The following SHISA6 variants were observed in gnomAD, a reference collection of about 807,000 sequenced individuals.
SHISA6 encodes shisa family member 6.
Under a neutral mutation model 47.9 loss-of-function variants are expected in SHISA6, and 22 were observed. The ratio of observed to expected loss-of-function variants is 0.46; its 90% CI spans 0.33 to 0.66. The LOEUF (loss-of-function observed/expected upper bound fraction) is 0.66. SHISA6 is among the 30% of genes least tolerant of loss of function. The pLI is 0.02. For missense variants in SHISA6, 680 were observed against 764.6 expected (o/e 0.89, Z 1.30); for synonymous variants, 388 against 337.8 (o/e 1.15, Z -1.63).
intron 2 of SHISA6, among the ~76,000 whole-genome samples, chr17:11,267,726 C>T (rs1437014548): frequency 6.6e-6 from 1 of 152,078 alleles, no homozygotes; most frequent in Non-Finnish European, 1.5e-5. Context: ...ACTGGCTAGG[C>T]AGAGTGAGTG....
intron 2 of SHISA6, among the ~76,000 whole-genome samples, chr17:11,283,296 G>GT (rs1391442143): frequency 6.6e-6 from 1 of 152,198 alleles, no homozygotes; most frequent in African/African-American, 2.4e-5. Context: ...TGAAGAAGAA[G>GT]TAATTGTTTC....
At chr17:11,459,681 G>A (rs1451998464) in intron 3 of SHISA6, among the ~76,000 whole-genome samples, 1 of 152,218 alleles carries the variant, frequency 6.6e-6, no homozygotes, top group East Asian at 1.9e-4. Context: ...AGTTGAGCAA[G>A]CTGGTGATAT....
At chr17:11,547,379 C>T (rs2071891865) in intron 3 of SHISA6, among the ~76,000 whole-genome samples, 1 of 152,172 alleles carries the variant, frequency 6.6e-6, no homozygotes, top group African/African-American at 2.4e-5. Context: ...TCTCTGACCA[C>T]AGTACAATAC....
At chr17:11,504,660 C>T (rs2071483290) in intron 3 of SHISA6, among the ~76,000 whole-genome samples, 1 of 152,108 alleles carries the variant, frequency 6.6e-6, no homozygotes. Flanking sequence ...ATCCAAGGAC[C>T]TTGTAGCTTA....
chr17:11,476,490 A>G (rs540137948), intron 3 of SHISA6, among the ~76,000 whole-genome samples: 1 of 152,138 alleles, frequency 6.6e-6, no homozygotes, highest in East Asian at 1.9e-4. Flanking sequence ...TTATTTTCAC[A>G]TAGTTCAAAA....
At chr17:11,347,651 A>G (rs16944616) in intron 2 of SHISA6, among the ~76,000 whole-genome samples, 12,744 of 152,240 alleles carry the variant, frequency 0.084, 762 homozygotes, top group East Asian at 0.23. Flanking sequence ...ATGCAACCTC[A>G]CTATAAAGGA....
At chr17:11,392,818 G>A (rs866075629) in intron 3 of SHISA6, among the ~76,000 whole-genome samples, 31 of 152,324 alleles carry the variant, frequency 2.0e-4, no homozygotes, top group Admixed American at 1.6e-3. Context: ...CAAGGAGAGA[G>A]CCACAAATGT....
chr17:11,501,403 T>C (rs2071452076), intron 3 of SHISA6, among the ~76,000 whole-genome samples: 1 of 152,014 alleles, frequency 6.6e-6, no homozygotes. Context: ...TCCAACAAAT[T>C]TTTAAAAGTA....
intron 3 of SHISA6, among the ~76,000 whole-genome samples, chr17:11,447,580 C>CCT (rs1915269866): frequency 6.6e-6 from 1 of 152,174 alleles, no homozygotes; most frequent in Non-Finnish European, 1.5e-5. Flanking sequence ...TGTGTCCCAC[C>CCT]CTCTACCCCA....
Position 11,319,270 on chromosome 17 carries a change from G to A in SHISA6, c.799+55744G>A, listed in dbSNP as rs563061106. ...ATTTTTGTATTTTTAGTGGAGACGG[G>A]GTTTCACCATGTTGGCCAGGCTAGT... On this transcript the variant is annotated intron_variant, in intron 2 of 5. Transcript: ENST00000441885. Among the ~76,000 whole-genome samples the A allele has an allele frequency of 9.2e-5, 14 of 152,068 alleles. No individual in the cohort carries two copies. In the East Asian group the frequency reaches 2.5e-3, roughly 27 times the overall value.
chr17:11,415,747 C>CTT (rs11428347), intron 3 of SHISA6, among the ~76,000 whole-genome samples: 2,744 of 151,710 alleles, frequency 0.018, 34 homozygotes, highest in Non-Finnish European at 0.029. Context: ...TGCTGTTGTT[C>CTT]TTTTTTTTGC....
At chr17:11,299,724 C>T (rs1909858369) in intron 2 of SHISA6, among the ~76,000 whole-genome samples, 1 of 152,190 alleles carries the variant, frequency 6.6e-6, no homozygotes, top group Admixed American at 6.5e-5. Flanking sequence ...CCTTCTCTCT[C>T]TGACTCTGAC....
At position 11,422,445 on chromosome 17, in the gene SHISA6, C is replaced by T. The variant is rs1914474116; in HGVS notation, c.895+42936C>T. On this transcript the variant is annotated intron_variant, in intron 3 of 5. Coordinates refer to ENST00000441885, the MANE Select transcript of SHISA6 (RefSeq NM_207386.4). ...AGCTCAACCAAGATTGAGACATTCCCCCTGTACCTACAAGAGTACATCTAG... is the reference window on the plus strand; with the variant it reads ...AGCTCAACCAAGATTGAGACATTCCTCCTGTACCTACAAGAGTACATCTAG... 3.3e-5 allele frequency among the ~76,000 whole-genome samples: 5 copies of T among 152,134 alleles called. No individual in the cohort carries two copies. The South Asian group carries it at 1.0e-3, about 32-fold the overall frequency.
At position 11,277,311 on chromosome 17, in the gene SHISA6, C is replaced by T. The variant is rs189338425; in HGVS notation, c.799+13785C>T. On this transcript the variant is annotated intron_variant, in intron 2 of 5. Transcript: ENST00000441885. ...ACACACACACACACACACACACACA[C>T]ACACACACCCCGCATGTACGTATAC... is the stretch of plus-strand genomic sequence containing the variant. 2.7e-4 allele frequency among the ~76,000 whole-genome samples: 41 copies of T among 150,888 alleles called. 1 individual carries two copies. The highest frequency in any genetic ancestry group is 9.1e-4 in the African/African-American group (37 of 40,830).
chr17:11,487,334 C>G (rs1916377687), intron 3 of SHISA6, among the ~76,000 whole-genome samples: 1 of 152,216 alleles, frequency 6.6e-6, no homozygotes, highest in African/African-American at 2.4e-5. Context: ...CCACCTAAAG[C>G]CTGAAAGTTA....
At chr17:11,390,004 C>T (rs1913334084) in intron 3 of SHISA6, among the ~76,000 whole-genome samples, 1 of 152,130 alleles carries the variant, frequency 6.6e-6, no homozygotes, top group Non-Finnish European at 1.5e-5. Flanking sequence ...CCATGGTGGC[C>T]TAGAAGTGGG....
rs2072030182 is a variant in SHISA6, at chr17:11,560,309, T to G, written c.*2005T>G. On this transcript the variant is annotated 3_prime_UTR_variant, in exon 6 of 6. Transcript: ENST00000441885. ...GTCAGACCCCACACTGGGGATGCAT[T>G]CCTGGAGTCGTGCGGCTGGAAGGCC... is the stretch of plus-strand genomic sequence containing the variant. 6.6e-6 allele frequency: 1 copy of G among 152,498 alleles called. No individual in the cohort carries two copies. The highest frequency in any genetic ancestry group is 2.1e-4 in the South Asian group (1 of 4,834). 9.4% of individuals were successfully genotyped at this position (152,498 alleles called of 1,614,324 possible).
intron 3 of SHISA6, among the ~76,000 whole-genome samples, chr17:11,459,658 C>T (rs1012592): frequency 6.6e-6 from 1 of 152,028 alleles, no homozygotes; most frequent in African/African-American, 2.4e-5. Context: ...CCCTAGCCTG[C>T]GTGACAGTCC....
intron 3 of SHISA6, among the ~76,000 whole-genome samples, chr17:11,492,624 G>A (rs1055961662): frequency 6.6e-6 from 1 of 152,154 alleles, no homozygotes; most frequent in African/African-American, 2.4e-5. Context: ...AGGGCTCAGT[G>A]AACACTTATG....
Sources: allele counts gnomAD v4.1 joint callset (sites outside exome capture counted in the v4.1 genomes callset), GRCh38; gene constraint gnomAD v4.1.1; transcripts MANE v1.5; gene names NCBI Gene and HGNC (gene_info 2026-07-23, HGNC 2026-07-21).